The following EXOC4 variants were observed in gnomAD, a reference collection of about 807,000 sequenced individuals.
EXOC4 encodes the protein exocyst complex component 4.
A neutral mutation model predicts 107.2 loss-of-function variants in EXOC4; 71 were observed. The observed-to-expected ratio is 0.66, with a 90% CI of 0.55 to 0.81. EXOC4 has a LOEUF of 0.81. Ranked by LOEUF, EXOC4 falls within the 30% of genes least tolerant of loss-of-function variation. EXOC4 has a pLI of 0.00. For synonymous variants in EXOC4, 456 were observed against 441.2 expected, an observed-to-expected ratio of 1.03 and a Z score of -0.42; for missense variants, 1,108 against 1,189.6, an observed-to-expected ratio of 0.93 and a Z score of 1.01.
intron 14 of EXOC4, among the ~76,000 whole-genome samples, chr7:133,949,061 GAGAAAAGTGAGCTTAACA>G (rs1182963028): frequency 6.6e-6 from 1 of 152,142 alleles, no homozygotes; most frequent in African/African-American, 2.4e-5. Flanking sequence ...AGGAGGAGTG[GAGAAAAGTGAGCTTAACA>G]TTATTTGACT....
chr7:134,044,997 A>C (rs781035971), intron 17 of EXOC4, among the ~76,000 whole-genome samples: 6 of 152,054 alleles, frequency 3.9e-5, no homozygotes, highest in African/African-American at 1.2e-4. Context: ...AAAGAATTCA[A>C]TACTGGTGTT....
chr7:133,510,605 G>A (rs1020073505), intron 9 of EXOC4, among the ~76,000 whole-genome samples: 3 of 152,082 alleles, frequency 2.0e-5, no homozygotes, highest in South Asian at 4.1e-4. Flanking sequence ...AATACCTTAC[G>A]AGATCCTTTG....
chr7:133,376,956 A>G (rs1796504238), intron 7 of EXOC4, among the ~76,000 whole-genome samples: 1 of 152,248 alleles, frequency 6.6e-6, no homozygotes, highest in South Asian at 2.1e-4. Flanking sequence ...TCTCAATAAC[A>G]AAGCACCTGC....
chr7:133,414,546 TAGAA>T lies in EXOC4; in HGVS notation c.1182+39551_1182+39554del, dbSNP rs528877776. Among the ~76,000 whole-genome samples the T allele has an allele frequency of 2.2e-4, 34 of 152,168 alleles. 1 individual carries two copies. The East Asian group carries it at 6.2e-3, about 28-fold the overall frequency. ...TCATTGTAGCACTGTCTACTTCAAATAGAAAGAAAGCAGAGGAATGCATAAATGT... is the reference window on the plus strand; with the variant it reads ...TCATTGTAGCACTGTCTACTTCAAATAGAAAGCAGAGGAATGCATAAATGT... On this transcript the variant is annotated intron_variant, in intron 7 of 17. Coordinates refer to ENST00000253861, the MANE Select transcript of EXOC4 (RefSeq NM_021807.4).
At chr7:133,392,229 GC>G (rs1563048645) in intron 7 of EXOC4, among the ~76,000 whole-genome samples, 3 of 152,026 alleles carry the variant, frequency 2.0e-5, no homozygotes, top group Non-Finnish European at 2.9e-5. Flanking sequence ...CTGATTCTGG[GC>G]CCTGTTGATG....
intron 11 of EXOC4, among the ~76,000 whole-genome samples, chr7:133,878,121 A>C (rs1035204530): frequency 6.6e-6 from 1 of 152,196 alleles, no homozygotes; most frequent in African/African-American, 2.4e-5. Flanking sequence ...CATTTTCTTC[A>C]TTATCATTAA....
intron 6 of EXOC4, among the ~76,000 whole-genome samples, chr7:133,368,617 A>G (rs1796296919): frequency 6.6e-6 from 1 of 152,182 alleles, no homozygotes; most frequent in Non-Finnish European, 1.5e-5. Flanking sequence ...GAAGTCTATG[A>G]TGTCTTGAAA....
intron 7 of EXOC4, among the ~76,000 whole-genome samples, chr7:133,400,965 A>C (rs1797076177): frequency 6.6e-6 from 1 of 152,210 alleles, no homozygotes; most frequent in African/African-American, 2.4e-5. Flanking sequence ...AGCTGTTTGT[A>C]GCCAGAGGTT....
At chr7:133,825,789 C>G (rs1280103186) in intron 11 of EXOC4, among the ~76,000 whole-genome samples, 5 of 152,064 alleles carry the variant, frequency 3.3e-5, no homozygotes, top group Non-Finnish European at 5.9e-5. Context: ...CATTTAAGGT[C>G]TGCTGGAAGT....
At chr7:134,038,182 CTG>C (rs1795435510) in intron 17 of EXOC4, among the ~76,000 whole-genome samples, 1 of 152,206 alleles carries the variant, frequency 6.6e-6, no homozygotes, top group South Asian at 2.1e-4. Flanking sequence ...CAGATGGGAA[CTG>C]TCTGAACTCA....
intron 7 of EXOC4, among the ~76,000 whole-genome samples, chr7:133,379,659 C>T (rs749568724): frequency 6.6e-6 from 1 of 151,692 alleles, no homozygotes; most frequent in African/African-American, 2.4e-5. Context: ...TTTTATGACC[C>T]CCCCCCATCT....
At chr7:134,030,698 C>G (rs868755254) in intron 17 of EXOC4, among the ~76,000 whole-genome samples, 5 of 144,038 alleles carry the variant, frequency 3.5e-5, no homozygotes, top group Non-Finnish European at 6.1e-5. Context: ...CTCACCCCCC[C>G]GCCCCGAGTA....
At chr7:133,516,741 T>G (rs1301521807) in intron 9 of EXOC4, among the ~76,000 whole-genome samples, 1 of 141,234 alleles carries the variant, frequency 7.1e-6, no homozygotes, top group Non-Finnish European at 1.5e-5. Flanking sequence ...TTTGGGAAAC[T>G]GCCAAACTAG....
intron 14 of EXOC4, among the ~76,000 whole-genome samples, chr7:133,980,042 A>C (rs1318229722): frequency 6.6e-6 from 1 of 152,160 alleles, no homozygotes; most frequent in Non-Finnish European, 1.5e-5. Context: ...ATGTATGAAA[A>C]GATAAAATTT....
At chr7:133,917,242 T>C (rs1429933986) in intron 12 of EXOC4, among the ~76,000 whole-genome samples, 1 of 152,232 alleles carries the variant, frequency 6.6e-6, no homozygotes, top group African/African-American at 2.4e-5. Flanking sequence ...TTTTACATGG[T>C]TATCCCACTT....
rs1474374094 is a variant in EXOC4 at position 134,005,059 on chromosome 7, T to G, written c.2496T>G (p.Leu832=). Reference sequence around the variant, plus strand: ...TTGAAGAGGCCATGAGCGCCAGCCTTCAGCAGCACAAGTTCCAGTATATCT... The same window carrying G: ...TTGAAGAGGCCATGAGCGCCAGCCTGCAGCAGCACAAGTTCCAGTATATCT... ...SAIEEAMSAS[L]QQHKFQYIFE... Residue 832 remains leucine, a synonymous_variant, in exon 16 of 18, where the codon CTT becomes CTG. Coordinates refer to ENST00000253861, the MANE Select transcript of EXOC4 (RefSeq NM_021807.4). 1 of 1,613,414 alleles carries G rather than the reference T, an allele frequency of 6.2e-7. No individual in the cohort carries two copies. The highest frequency in any genetic ancestry group is 1.7e-5 in the Admixed American group (1 of 59,982).
chr7:133,857,148 G>A (rs868117766), intron 11 of EXOC4, among the ~76,000 whole-genome samples: 391 of 20,652 alleles, frequency 0.019, 15 homozygotes, highest in East Asian at 0.049. Context: ...ACACATACAC[G>A]TATATATATA....
intron 1 of EXOC4, among the ~76,000 whole-genome samples, chr7:133,271,702 G>A (rs1296829919): frequency 6.6e-6 from 1 of 152,126 alleles, no homozygotes; most frequent in Non-Finnish European, 1.5e-5. Context: ...TGGGACTTGG[G>A]GGCAAGGGGA....
chr7:133,396,287 A>C (rs948145175), intron 7 of EXOC4: 1 of 152,172 alleles, frequency 6.6e-6, no homozygotes, highest in African/African-American at 2.4e-5. Flanking sequence ...AGACTCACTT[A>C]TGCTGATGAA....
Sources: gnomAD v4.1 joint callset for allele counts (sites outside exome capture counted in the v4.1 genomes callset) on GRCh38, gnomAD v4.1.1 for gene constraint, MANE v1.5 for transcripts, NCBI Gene and HGNC (gene_info 2026-07-23, HGNC 2026-07-21) for gene names.